The following SUMF1 variants were observed in gnomAD, a reference collection of about 807,000 sequenced individuals.
SUMF1 encodes formylglycine-generating enzyme.
Under a neutral mutation model 47.6 loss-of-function variants are expected in SUMF1, and 48 were observed. The observed-to-expected ratio is 1.01, with a 90% CI of 0.80 to 1.28. The LOEUF (loss-of-function observed/expected upper bound fraction) is 1.28, where lower values mean the gene tolerates loss of function less well. Ranked by LOEUF, SUMF1 falls within the 50% of genes most tolerant of loss-of-function variation. SUMF1 has a pLI of 0.00. For synonymous variants in SUMF1, 230 were observed against 192.1 expected, an observed-to-expected ratio of 1.20 and a Z score of -1.63; for missense variants, 571 against 485.4, an observed-to-expected ratio of 1.18 and a Z score of -1.66.
chr3:4,236,571 T>A (rs999852366), intron 8 of SUMF1, among the ~76,000 whole-genome samples: 1 of 103,860 alleles, frequency 9.6e-6, no homozygotes, highest in African/African-American at 3.9e-5. Flanking sequence ...ATGGGCAACA[T>A]AGTGAGACCC....
At chr3:4,051,191 T>C (rs1695105243) in intron 9 of SUMF1, among the ~76,000 whole-genome samples, 1 of 150,994 alleles carries the variant, frequency 6.6e-6, no homozygotes, top group Admixed American at 6.6e-5. Flanking sequence ...AACTGGAAAC[T>C]ACCTGTTCCT....
intron 8 of SUMF1, among the ~76,000 whole-genome samples, chr3:4,282,117 T>A (rs1433260650): frequency 1.3e-5 from 2 of 152,162 alleles, no homozygotes; most frequent in Admixed American, 6.6e-5. Flanking sequence ...TTAAAGACTC[T>A]GTGTGGGTTG....
At chr3:4,291,056 G>A (rs972673308) in intron 8 of SUMF1, among the ~76,000 whole-genome samples, 1 of 152,106 alleles carries the variant, frequency 6.6e-6, no homozygotes, top group Non-Finnish European at 1.5e-5. Context: ...ACTCTTTTAA[G>A]GATAAAAGAA....
intron 9 of SUMF1, among the ~76,000 whole-genome samples, chr3:4,056,761 A>G (rs1695198714): frequency 6.6e-6 from 1 of 151,592 alleles, no homozygotes; most frequent in Non-Finnish European, 1.5e-5. Context: ...ATTTTTTTTG[A>G]GATGGGGTCT....
chr3:4,040,126 A>G (rs1694883345), intron 9 of SUMF1, among the ~76,000 whole-genome samples: 1 of 152,170 alleles, frequency 6.6e-6, no homozygotes, highest in Non-Finnish European at 1.5e-5. Context: ...AGATATGTTG[A>G]TTAGCTTAAT....
intron 3 of SUMF1, among the ~76,000 whole-genome samples, chr3:4,447,790 AG>A (rs1702831962): frequency 1.3e-5 from 2 of 152,176 alleles, no homozygotes; most frequent in Non-Finnish European, 2.9e-5. Flanking sequence ...TCCTCATCCT[AG>A]TCACAAGCAC....
intron 8 of SUMF1, among the ~76,000 whole-genome samples, chr3:4,281,370 A>C (rs1697526269): frequency 6.6e-6 from 1 of 152,132 alleles, no homozygotes; most frequent in Non-Finnish European, 1.5e-5. Flanking sequence ...AAAGCCAGAG[A>C]AAAGGAAAGA....
At chr3:4,303,298 G>C (rs1288462144) in intron 8 of SUMF1, 1 of 1,425,846 alleles carries the variant, frequency 7.0e-7, no homozygotes, top group Non-Finnish European at 9.2e-7. Flanking sequence ...GTGGGGCCAC[G>C]GGACCACAAG....
intron 8 of SUMF1, among the ~76,000 whole-genome samples, chr3:4,184,665 T>C (rs924668852): frequency 6.6e-6 from 1 of 151,724 alleles, no homozygotes; most frequent in Non-Finnish European, 1.5e-5. Flanking sequence ...TTTTTTTTTT[T>C]TTTGAGACAG....
rs1045192269 is a variant in SUMF1 at position 4,232,211 on chromosome 3, T to A, written c.1014+144119A>T. 2.9e-4 allele frequency among the ~76,000 whole-genome samples: 44 copies of A among 152,032 alleles called. 1 individual carries two copies. Among genetic ancestry groups the A allele is most frequent in the Admixed American group, 2.6e-3 (39 of 15,248 alleles). On this transcript the variant is annotated intron_variant and NMD_transcript_variant, in intron 8 of 12. Coordinates refer to the SUMF1 transcript ENST00000448413. The stretch of plus-strand genomic sequence containing the variant: ...GAGAGTGTCAGACCCAATAGGAGCC[T>A]GGAAGAGCAGGCTTAGAACCATGCA...
intron 8 of SUMF1, among the ~76,000 whole-genome samples, chr3:4,295,908 T>C (rs1697840629): frequency 6.6e-6 from 1 of 152,196 alleles, no homozygotes; most frequent in Non-Finnish European, 1.5e-5. Context: ...CATGAAACCA[T>C]AATGCAATGA....
At chr3:4,286,831 T>C (rs988834001) in intron 8 of SUMF1, among the ~76,000 whole-genome samples, 9 of 152,132 alleles carry the variant, frequency 5.9e-5, no homozygotes, top group Non-Finnish European at 2.9e-5. Context: ...TGAAGCATTT[T>C]AGACATGAAA....
At chr3:4,410,535 A>G (rs575042598) in intron 7 of SUMF1, among the ~76,000 whole-genome samples, 5 of 152,334 alleles carry the variant, frequency 3.3e-5, no homozygotes, top group African/African-American at 1.2e-4. Context: ...GTTCATAATA[A>G]AACAGTAATA....
At chr3:4,380,114 C>T (rs1292617748) in intron 7 of SUMF1, among the ~76,000 whole-genome samples, 1 of 152,046 alleles carries the variant, frequency 6.6e-6, no homozygotes, top group Non-Finnish European at 1.5e-5. Context: ...CTACCACCTC[C>T]ACCTCCTGTG....
At chr3:4,253,617 A>C (rs892188113) in intron 8 of SUMF1, among the ~76,000 whole-genome samples, 12 of 151,774 alleles carry the variant, frequency 7.9e-5, no homozygotes, top group African/African-American at 2.7e-4. Flanking sequence ...TCCTACGCCC[A>C]AGGAATCTCG....
chr3:4,297,196 A>C (rs903567223), intron 8 of SUMF1, among the ~76,000 whole-genome samples: 6 of 148,108 alleles, frequency 4.1e-5, no homozygotes, highest in Admixed American at 1.4e-4. Context: ...GTGTAATATA[A>C]ACATAACTGT....
At chr3:4,205,009 G>T (rs543293893) in intron 8 of SUMF1, among the ~76,000 whole-genome samples, 43 of 152,106 alleles carry the variant, frequency 2.8e-4, no homozygotes, top group Middle Eastern at 3.4e-3. Flanking sequence ...CATTTGGTGA[G>T]GTTATTGTCA....
chr3:4,383,861 G>A (rs566585138), intron 7 of SUMF1, among the ~76,000 whole-genome samples: 4 of 152,222 alleles, frequency 2.6e-5, no homozygotes, highest in Non-Finnish European at 5.9e-5. Context: ...ACACTGTAGT[G>A]GCCTAACTCA....
chr3:4,116,899 G>A (rs1693435535), intron 8 of SUMF1, among the ~76,000 whole-genome samples: 1 of 152,058 alleles, frequency 6.6e-6, no homozygotes. Context: ...AGGGATGTGG[G>A]ATTGCAAAAA....
Sources: allele counts gnomAD v4.1 joint callset (sites outside exome capture counted in the v4.1 genomes callset), GRCh38; gene constraint gnomAD v4.1.1; transcripts MANE v1.5; gene names NCBI Gene and HGNC (gene_info 2026-07-23, HGNC 2026-07-21).